Variants in PKHD1L1 observed in about 807,000 individuals in gnomAD.
The protein encoded by PKHD1L1 is fibrocystin-L.
PKHD1L1 carries 434 observed loss-of-function variants against 462.9 expected under a neutral mutation model. The observed-to-expected ratio is 0.94, with a 90% confidence interval of 0.87 to 1.02. PKHD1L1 has a LOEUF of 1.02. Ranked by LOEUF, PKHD1L1 falls within the 50% of genes least tolerant of loss-of-function variation. The pLI, the probability that PKHD1L1 is intolerant of heterozygous loss-of-function variation, is 0.00. For synonymous variants in PKHD1L1, 1,781 were observed against 1,750.0 expected (o/e 1.02, Z -0.44); for missense variants, 5,202 against 5,096.1 (o/e 1.02, Z -0.63).
In PKHD1L1 at chr8:109,364,528, G is replaced by T. The variant is rs753960366; in HGVS notation, c.74-19G>T. Reference sequence around the variant, plus strand: ...GAACTTGGTGATTTTTACCTCTACTGTATTTTAATATTTTTCAGATGGCTC... The same window carrying T: ...GAACTTGGTGATTTTTACCTCTACTTTATTTTAATATTTTTCAGATGGCTC... On this transcript the variant is annotated intron_variant, in intron 1 of 77. Transcript: ENST00000378402. The T allele has an allele frequency of 6.6e-7, 1 of 1,508,176 alleles. No individual in the cohort carries two copies. The highest frequency in any genetic ancestry group is 9.1e-7 in the Non-Finnish European group (1 of 1,097,824). The allele number at this position is 1,508,176 out of a possible 1,614,324, so 93.4% of individuals were successfully genotyped here. A position where few individuals can be genotyped will look rare whatever the true frequency, so the allele number is the denominator to read the frequency against.
In PKHD1L1 at chr8:109,522,760, T is replaced by C. The variant is rs201092016; in HGVS notation, c.12200T>C (p.Val4067Ala). 1 of 1,610,688 alleles carries C rather than the reference T, an allele frequency of 6.2e-7. No homozygotes were observed. The highest frequency in any genetic ancestry group is 8.5e-7 in the Non-Finnish European group (1 of 1,179,126). Residue 4067 changes from valine (V) to alanine (A), a missense_variant, in exon 75 of 78, where the codon GTT (valine) becomes GCT (alanine). By Grantham distance (64) the Val-to-Ala change is moderately conservative (BLOSUM62 0). This residue lies in a region of PKHD1L1 where 698 missense variants were observed against 736.3 expected (regional missense o/e 0.95). Transcript: ENST00000378402. ...SGWIKVTAQP[V>A]ERSAFPVHHV... is the part of the protein sequence containing the mutation. ...CATTCACAGGTGACTGCCCAGCCAGTTGAAAGGTCTGCATTTCCTGTTCAT... is the reference window on the plus strand; with the variant it reads ...CATTCACAGGTGACTGCCCAGCCAGCTGAAAGGTCTGCATTTCCTGTTCAT...
At chr8:109,471,477 G>A (rs1673394) in intron 50 of PKHD1L1, among the ~76,000 whole-genome samples, 76,312 of 151,910 alleles carry the variant, frequency 0.5, 19,447 homozygotes, top group South Asian at 0.68. Context: ...TTGCATGAAA[G>A]TAGCTATTTT....
At chr8:109,436,071 C>T (rs1208788369) in intron 29 of PKHD1L1, among the ~76,000 whole-genome samples, 1 of 152,164 alleles carries the variant, frequency 6.6e-6, no homozygotes, top group African/African-American at 2.4e-5. Context: ...GCTACCAATG[C>T]CCCAAAGCAA....
At chr8:109,411,755 T>G (rs1023652418) in intron 19 of PKHD1L1, among the ~76,000 whole-genome samples, 3 of 152,192 alleles carry the variant, frequency 2.0e-5, no homozygotes, top group Non-Finnish European at 4.4e-5. Flanking sequence ...ACAGCTGCTA[T>G]TTATCTTTAA....
chr8:109,448,199 G>C lies in PKHD1L1; in HGVS notation c.5833G>C (p.Glu1945Gln), dbSNP rs1252973840. The C allele has an allele frequency of 6.2e-7, 1 of 1,612,066 alleles. No homozygotes were observed. The highest frequency in any genetic ancestry group is 1.1e-5 in the South Asian group (1 of 90,732). ...TGSNFGFEILEISVMINNIQC... is the reference protein window; with the variant it reads ...TGSNFGFEILQISVMINNIQC... ...ATCCAACTTTGGCTTTGAGATCTTG[G>C]AAATCTCCGTGATGATAAATAACAT... Residue 1945 changes from glutamate (E) to glutamine (Q), a missense_variant, in exon 39 of 78, where the codon GAA becomes CAA. Physicochemically the swap from Glu to Gln is conservative, Grantham distance 29. Coordinates refer to ENST00000378402, the MANE Select transcript of PKHD1L1 (RefSeq NM_177531.6).
Position 109,522,800 on chromosome 8 carries a change from G to A in PKHD1L1, c.12240G>A (p.Val4080=), listed in dbSNP as rs752566078. The change falls in exon 75 of 78, where the codon GTG becomes GTA. Residue 4080 remains valine (V), a synonymous_variant. Coordinates refer to ENST00000378402, the MANE Select transcript of PKHD1L1 (RefSeq NM_177531.6). The stretch of plus-strand genomic sequence containing the variant: ...TTCCTGTTCATCACGTGGCCTTCGT[G>A]TCCTCACTCTTAGTGATCACTCAGC... The part of the protein sequence containing the change: ...SAFPVHHVAF[V]SSLLVITQPV... The A allele has an allele frequency of 5.6e-6, 9 of 1,612,296 alleles. No homozygotes were observed. Among genetic ancestry groups the A allele is most frequent in the Non-Finnish European group, 7.6e-6 (9 of 1,179,494 alleles).
intron 21 of PKHD1L1, among the ~76,000 whole-genome samples, chr8:109,414,045 A>AAT (rs1813999898): frequency 6.6e-6 from 1 of 152,192 alleles, no homozygotes; most frequent in African/African-American, 2.4e-5. Context: ...GAAGCTATTT[A>AAT]ATGACTACAG....
intron 32 of PKHD1L1, among the ~76,000 whole-genome samples, 166 bp downstream of exon 32, chr8:109,439,258 T>A (rs900531733): frequency 2.0e-5 from 3 of 152,182 alleles, no homozygotes; most frequent in African/African-American, 4.8e-5. Flanking sequence ...AACTGCAATA[T>A]GACGCATAGT....
chr8:109,419,959 A>G (rs1452241356), intron 22 of PKHD1L1, among the ~76,000 whole-genome samples: 1 of 151,956 alleles, frequency 6.6e-6, no homozygotes, highest in Non-Finnish European at 1.5e-5. Context: ...ACTCCTTTTG[A>G]ATCTGCTGTC....
At chr8:109,468,810 C>T (rs549236817) in intron 50 of PKHD1L1, among the ~76,000 whole-genome samples, 1 of 152,228 alleles carries the variant, frequency 6.6e-6, no homozygotes, top group African/African-American at 2.4e-5. Context: ...TTTTTCTTTC[C>T]TTAGTATAAT....
rs1462176682 is a variant in PKHD1L1, at chr8:109,477,234, GA to G, written c.8930del (p.Asn2977MetfsTer17). 1 of 1,612,970 alleles carries G rather than the reference GA, an allele frequency of 6.2e-7. No homozygotes were observed. The highest frequency in any genetic ancestry group is 1.3e-5 in the African/African-American group (1 of 74,880). ...TTTACTTCACTTTCAGTGTCAGGAAGAAATGACCTTCATCAGAGTCAGCTCA... is the reference window on the plus strand; with the variant it reads ...TTTACTTCACTTTCAGTGTCAGGAAGAATGACCTTCATCAGAGTCAGCTCA... ...TSTLYYLVSG[R>X]NDLHQSQLIS... On this transcript the variant is annotated frameshift_variant, in exon 53 of 78. Transcript: ENST00000378402. LOFTEE classifies it high-confidence loss of function.
intron 43 of PKHD1L1, among the ~76,000 whole-genome samples, chr8:109,453,518 C>T (rs1028486164): frequency 1.3e-5 from 2 of 152,102 alleles, no homozygotes; most frequent in Non-Finnish European, 2.9e-5. Context: ...CAAACTTTGC[C>T]ATAACAGGCT....
chr8:109,479,337 C>A (rs1462876487), intron 53 of PKHD1L1, among the ~76,000 whole-genome samples: 1 of 152,064 alleles, frequency 6.6e-6, no homozygotes, highest in Non-Finnish European at 1.5e-5. Context: ...TCCTTCTACC[C>A]CTTTCTTCAC....
In PKHD1L1 at chr8:109,491,879, G is replaced by T. The variant is rs936024797; in HGVS notation, c.10121G>T (p.Arg3374Ile). ...IIHFTVGEGIRIWGNANRVRG... is the reference protein window; with the variant it reads ...IIHFTVGEGIIIWGNANRVRG... ...TTTTTCTTTTTTTAAACAGGCATAA[G>T]AATATGGGGGAATGCCAACCGAGTC... Residue 3374 changes from arginine to isoleucine, a missense_variant, in exon 62 of 78, where the codon AGA becomes ATA. By Grantham distance (97) the Arg-to-Ile change is moderately conservative. Coordinates refer to ENST00000378402, the MANE Select transcript of PKHD1L1 (RefSeq NM_177531.6). 11 of 1,600,520 alleles carry T rather than the reference G, an allele frequency of 6.9e-6. No homozygotes were observed. The highest frequency in any genetic ancestry group is 1.3e-5 in the African/African-American group (1 of 74,474).
intron 18 of PKHD1L1, among the ~76,000 whole-genome samples, chr8:109,408,701 A>G (rs1813688837): frequency 6.6e-6 from 1 of 152,212 alleles, no homozygotes; most frequent in Non-Finnish European, 1.5e-5. Context: ...CTAACTCAGC[A>G]AATTTTAAGA....
At chr8:109,451,667 A>G (rs1816524594) in intron 41 of PKHD1L1, among the ~76,000 whole-genome samples, 2 of 152,178 alleles carry the variant, frequency 1.3e-5, no homozygotes, top group South Asian at 4.1e-4. Context: ...CTGAAGTCAA[A>G]ACACCAGATC....
At chr8:109,392,294 C>G (rs1007782534) in intron 9 of PKHD1L1, among the ~76,000 whole-genome samples, 1 of 152,098 alleles carries the variant, frequency 6.6e-6, no homozygotes, top group Non-Finnish European at 1.5e-5. Context: ...CATCATATGT[C>G]TCTCAGAGAA....
At chr8:109,376,490 G>A (rs1316491059) in intron 2 of PKHD1L1, among the ~76,000 whole-genome samples, 1 of 152,010 alleles carries the variant, frequency 6.6e-6, no homozygotes, top group Non-Finnish European at 1.5e-5. Context: ...CACTCACAGT[G>A]CGCTGCACCC....
intron 11 of PKHD1L1, among the ~76,000 whole-genome samples, chr8:109,397,091 G>A (rs1813016031): frequency 6.6e-6 from 1 of 152,016 alleles, no homozygotes; most frequent in Non-Finnish European, 1.5e-5. Context: ...TAAAACCAGG[G>A]CCATAATGTA....
Sources: gnomAD v4.1 joint callset for allele counts (sites outside exome capture counted in the v4.1 genomes callset) on GRCh38, gnomAD v4.1.1 for gene constraint, gnomAD v4.1.1 regional missense constraint, MANE v1.5 for transcripts, NCBI Gene and HGNC (gene_info 2026-07-23, HGNC 2026-07-21) for gene names.